The following RUVBL1 variants were observed in gnomAD, a reference collection of about 807,000 sequenced individuals.
RUVBL1 encodes RuvB like AAA ATPase 1.
A neutral mutation model predicts 52.4 loss-of-function variants in RUVBL1; 4 were observed. The observed-to-expected ratio is 0.08, with a 90% CI of 0.04 to 0.17. The LOEUF (loss-of-function observed/expected upper bound fraction) is 0.17, where lower values mean the gene tolerates loss of function less well. Ranked by LOEUF, RUVBL1 falls within the 10% of genes least tolerant of loss-of-function variation. RUVBL1 has a pLI of 1.00. For missense variants in RUVBL1, 298 were observed against 572.8 expected, an observed-to-expected ratio of 0.52 and a Z score of 4.90; for synonymous variants, 217 against 214.4, an observed-to-expected ratio of 1.01 and a Z score of -0.10.
intron 9 of RUVBL1, chr3:128,068,766 G>A (rs1942062422): frequency 6.5e-6 from 1 of 152,778 alleles, no homozygotes; most frequent in South Asian, 2.1e-4. Flanking sequence ...GCACTCTTCA[G>A]TCTGCACAGT....
chr3:128,093,462 T>G (rs1942897839), intron 8 of RUVBL1, among the ~76,000 whole-genome samples: 1 of 152,088 alleles, frequency 6.6e-6, no homozygotes, highest in South Asian at 2.1e-4. Flanking sequence ...AAAAAAACTG[T>G]ATTTTATATG....
chr3:128,093,270 T>C (rs1942889686), intron 8 of RUVBL1, among the ~76,000 whole-genome samples: 1 of 152,160 alleles, frequency 6.6e-6, no homozygotes, highest in African/African-American at 2.4e-5. Flanking sequence ...TTATACAAAA[T>C]TTCCAGAAAA....
chr3:128,119,465 A>G, intron 1 of RUVBL1, 51 bp from the exon 2 acceptor site: 1 of 1,488,674 alleles, frequency 6.7e-7, no homozygotes, highest in South Asian at 1.2e-5. Flanking sequence ...AATGTTTCAC[A>G]AGGGGAAAAA....
intron 9 of RUVBL1, chr3:128,069,928 G>A (rs1942109994): frequency 5.4e-6 from 2 of 371,744 alleles, no homozygotes; most frequent in South Asian, 9.1e-5. Context: ...GTCCCCAAGT[G>A]TCCATGTAAC....
intron 8 of RUVBL1, among the ~76,000 whole-genome samples, chr3:128,095,240 T>C (rs1419119971): frequency 6.6e-6 from 1 of 152,170 alleles, no homozygotes; most frequent in Non-Finnish European, 1.5e-5. Flanking sequence ...AGACGAGAGA[T>C]GCCAGGCTCT....
chr3:128,065,105 A>C (rs1306053623), exon 10 of RUVBL1: 3 of 1,494,216 alleles, frequency 2.0e-6, no homozygotes, highest in Non-Finnish European at 1.9e-6. Flanking sequence ...CCTTGTGTGC[A>C]GTCCCCCACT....
At chr3:128,150,492 T>C (rs1429233675) in intron 1 of RUVBL1, among the ~76,000 whole-genome samples, 1 of 147,950 alleles carries the variant, frequency 6.8e-6, no homozygotes, top group Non-Finnish European at 1.5e-5. Context: ...ATTATATATA[T>C]ATATATGTAT....
At chr3:128,152,662 C>T (rs1944241415) in intron 1 of RUVBL1, among the ~76,000 whole-genome samples, 1 of 152,092 alleles carries the variant, frequency 6.6e-6, no homozygotes, top group Non-Finnish European at 1.5e-5. Context: ...GGAAGTGTGT[C>T]CGGAGTTGGT....
chr3:128,150,755 C>CTATATATTCTATATATTATATATTCTA (rs1559841300), intron 1 of RUVBL1, among the ~76,000 whole-genome samples: 45 of 100,560 alleles, frequency 4.5e-4, no homozygotes, highest in East Asian at 2.2e-3. Flanking sequence ...TATATATTCT[C>CTATATATTCTATATATTATATATTCTA]TATATATTCT....
chr3:128,080,465 A>G (rs533647192), downstream of RUVBL1, among the ~76,000 whole-genome samples: 51 of 152,332 alleles, frequency 3.3e-4, 1 homozygote, highest in South Asian at 0.011. Flanking sequence ...ACATGACCTC[A>G]GCCAAAGGGT....
chr3:128,151,478 C>G (rs746195639), intron 1 of RUVBL1, among the ~76,000 whole-genome samples: 3 of 151,916 alleles, frequency 2.0e-5, no homozygotes, highest in Middle Eastern at 3.4e-3. Context: ...AAATATTTCT[C>G]AGAGGTACAT....
At chr3:128,094,129 A>T (rs986874464) in intron 8 of RUVBL1, among the ~76,000 whole-genome samples, 4 of 152,204 alleles carry the variant, frequency 2.6e-5, no homozygotes, top group Non-Finnish European at 5.9e-5. Flanking sequence ...AAAGGTGCTG[A>T]TATTCCCATT....
exon 1 of RUVBL1, chr3:128,153,355 G>A: frequency 1.4e-6 from 2 of 1,384,028 alleles, no homozygotes; most frequent in Non-Finnish European, 1.9e-6. Context: ...GCTCGGCTGT[G>A]CCCGTGAGCC....
intron 1 of RUVBL1, among the ~76,000 whole-genome samples, chr3:128,145,987 A>G (rs1467170712): frequency 6.6e-6 from 1 of 152,178 alleles, no homozygotes; most frequent in Non-Finnish European, 1.5e-5. Flanking sequence ...TAATAAGGAA[A>G]TAAACCATAC....
chr3:128,091,284 C>T (rs1252223511), intron 8 of RUVBL1, among the ~76,000 whole-genome samples: 5 of 139,134 alleles, frequency 3.6e-5, no homozygotes, highest in African/African-American at 1.4e-4. Flanking sequence ...GTGCTGACCT[C>T]AGCAGGAGCT....
chr3:128,097,161 C>T, intron 8 of RUVBL1, 139 bp downstream of exon 8: 2 of 819,594 alleles, frequency 2.4e-6, no homozygotes, highest in Non-Finnish European at 3.9e-6. Context: ...AGGCAAGCCA[C>T]TTGGCACATT....
At chr3:128,091,209 C>A (rs994011746) in intron 8 of RUVBL1, among the ~76,000 whole-genome samples, 1 of 150,474 alleles carries the variant, frequency 6.6e-6, no homozygotes, top group African/African-American at 2.5e-5. Flanking sequence ...CGGTTCTAGT[C>A]AGTGATGCTG....
chr3:128,125,902 T>A (rs796158946), upstream of RUVBL1, among the ~76,000 whole-genome samples: 7 of 152,370 alleles, frequency 4.6e-5, no homozygotes, highest in African/African-American at 1.7e-4. Flanking sequence ...TCTATGGGAC[T>A]GACTTCTTTG....
chr3:128,070,436 G>C (rs533035595), intron 9 of RUVBL1: 2 of 152,370 alleles, frequency 1.3e-5, no homozygotes, highest in East Asian at 3.9e-4. Flanking sequence ...GACCCTTGCA[G>C]TGATGTCCGT....
Sources: gnomAD v4.1 joint callset for allele counts (sites outside exome capture counted in the v4.1 genomes callset) on GRCh38, gnomAD v4.1.1 for gene constraint, MANE v1.5 for transcripts, NCBI Gene and HGNC (gene_info 2026-07-23, HGNC 2026-07-21) for gene names.